Variants in NRG4 observed in about 807,000 individuals in gnomAD.
The protein encoded by NRG4 is neuregulin 4.
Under a neutral mutation model 15.0 loss-of-function variants are expected in NRG4, and 10 were observed. The observed-to-expected ratio is 0.67, with a 90% confidence interval of 0.41 to 1.13. The LOEUF (loss-of-function observed/expected upper bound fraction) is 1.13. Among genes scored for constraint, NRG4 ranks in the 50% most tolerant of loss-of-function variants. The pLI is 0.00. For missense variants in NRG4, 139 were observed against 140.2 expected (o/e 0.99, Z 0.04); for synonymous variants, 41 against 50.1 (o/e 0.82, Z 0.77).
intron 1 of NRG4, among the ~76,000 whole-genome samples, chr15:76,011,699 T>C (rs189863345): frequency 5.6e-4 from 85 of 152,306 alleles, no homozygotes; most frequent in African/African-American, 1.6e-3. Flanking sequence ...AAGTTTACCA[T>C]AGATTGCACA....
At chr15:75,959,932 C>T (rs995890628) in intron 4 of NRG4, among the ~76,000 whole-genome samples, 1 of 152,198 alleles carries the variant, frequency 6.6e-6, no homozygotes, top group Non-Finnish European at 1.5e-5. Flanking sequence ...CAACCAGCAA[C>T]ACTCAAGATG....
chr15:76,019,131 T>C lies in NRG4; in HGVS notation c.-56-7845A>G, dbSNP rs571363383. ...CTTCCAGGCGGCTTTGTTTACACTG[T>C]GAGGGGAAAAACACCTACTCAAGCC... is the stretch of plus-strand genomic sequence containing the variant. On this transcript the variant is annotated intron_variant, in intron 5 of 8. Transcript: ENST00000563910. Among the ~76,000 whole-genome samples the C allele has an allele frequency of 7.2e-5, 11 of 152,150 alleles. No individual in the cohort carries two copies. In the East Asian group the frequency reaches 2.1e-3, roughly 29 times the overall value.
At position 75,943,627 on chromosome 15, in the gene NRG4, T is replaced by C. The variant is rs778529230; in HGVS notation, c.*11A>G. The C allele has an allele frequency of 2.6e-6, 4 of 1,542,260 alleles. No individual in the cohort carries two copies. ...AATAAAAACAATGATTTGGTTCACT[T>C]TGACGTTTCTTCAGTGTTGTTCATG... On this transcript the variant is annotated 3_prime_UTR_variant, in exon 6 of 6. Coordinates refer to ENST00000394907, the MANE Select transcript of NRG4 (RefSeq NM_138573.4).
intron 4 of NRG4, among the ~76,000 whole-genome samples, chr15:76,049,445 C>T (rs2035946930): frequency 6.7e-6 from 1 of 150,326 alleles, no homozygotes; most frequent in Non-Finnish European, 1.5e-5. Context: ...ACTCTCAAAC[C>T]CTCCTAACCA....
chr15:75,943,465 A>AT lies in NRG4; in HGVS notation c.*172dup. ...AGCAGTTGCCGATGGACTGATGCAC[A>AT]TTACAGAAGCACACACACCTTGCAG... On this transcript the variant is annotated 3_prime_UTR_variant, in exon 6 of 6. Coordinates refer to ENST00000394907, the MANE Select transcript of NRG4 (RefSeq NM_138573.4). 1 of 587,644 alleles carries AT rather than the reference A, an allele frequency of 1.7e-6. No individual in the cohort carries two copies. 36.4% of individuals were successfully genotyped at this position (587,644 alleles called of 1,614,324 possible). A position where few individuals can be genotyped will look rare whatever the true frequency, so the allele number is the denominator to read the frequency against.
intron 4 of NRG4, chr15:76,051,995 G>T (rs1471187729): frequency 6.6e-6 from 1 of 150,878 alleles, no homozygotes; most frequent in Non-Finnish European, 1.5e-5. Context: ...TCAAACCAAT[G>T]ATCTAGGATT....
intron 5 of NRG4, among the ~76,000 whole-genome samples, chr15:75,952,682 C>T (rs1391563532): frequency 6.6e-6 from 1 of 151,764 alleles, no homozygotes; most frequent in Non-Finnish European, 1.5e-5. Flanking sequence ...TGCGGCCTCC[C>T]AATAGCTGGG....
intron 3 of NRG4, among the ~76,000 whole-genome samples, chr15:76,006,098 T>C (rs1026385897): frequency 2.0e-5 from 3 of 152,136 alleles, no homozygotes; most frequent in East Asian, 1.9e-4. Context: ...ACTATTTCTA[T>C]AGACAAAGCA....
At chr15:76,031,110 C>G (rs2141941549) in intron 5 of NRG4, among the ~76,000 whole-genome samples, 1 of 152,030 alleles carries the variant, frequency 6.6e-6, no homozygotes, top group African/African-American at 2.4e-5. Context: ...AAATAAAAGA[C>G]AAAGATTATA....
intron 4 of NRG4, among the ~76,000 whole-genome samples, chr15:76,036,180 G>C (rs2035593146): frequency 6.6e-6 from 1 of 152,108 alleles, no homozygotes; most frequent in Non-Finnish European, 1.5e-5. Flanking sequence ...GTCAGGCCCT[G>C]GTAAAAATTT....
intron 3 of NRG4, among the ~76,000 whole-genome samples, chr15:75,978,846 T>G (rs2033481326): frequency 6.6e-6 from 1 of 152,196 alleles, no homozygotes; most frequent in Admixed American, 6.5e-5. Context: ...TTTTAAGAAA[T>G]GTCTATTCAG....
intron 5 of NRG4, among the ~76,000 whole-genome samples, chr15:76,024,242 G>A (rs2035241597): frequency 6.6e-6 from 1 of 152,210 alleles, no homozygotes; most frequent in East Asian, 1.9e-4. Context: ...TCCTAGGCCT[G>A]AGAAATAGCC....
chr15:75,978,623 G>A (rs1595981103), intron 3 of NRG4, among the ~76,000 whole-genome samples: 1 of 152,088 alleles, frequency 6.6e-6, no homozygotes, highest in Non-Finnish European at 1.5e-5. Context: ...CCTCCATACT[G>A]TTTTCCATAG....
chr15:76,009,652 C>T (rs2034736476), intron 2 of NRG4, among the ~76,000 whole-genome samples: 1 of 152,110 alleles, frequency 6.6e-6, no homozygotes, highest in South Asian at 2.1e-4. Flanking sequence ...CCTAGCATTT[C>T]CCTGTCCCAA....
chr15:75,966,847 T>C (rs1010609637), intron 3 of NRG4, among the ~76,000 whole-genome samples: 1 of 152,140 alleles, frequency 6.6e-6, no homozygotes, highest in East Asian at 1.9e-4. Context: ...CTGGGCGCGG[T>C]GGCTCACACC....
downstream of NRG4, chr15:75,940,635 G>A (rs1483182750): frequency 6.6e-6 from 1 of 151,984 alleles, no homozygotes; most frequent in African/African-American, 2.4e-5. Flanking sequence ...CTGGCATAAA[G>A]GCAGACGGAT....
At chr15:76,027,361 A>C (rs559943133) in intron 5 of NRG4, among the ~76,000 whole-genome samples, 1 of 152,108 alleles carries the variant, frequency 6.6e-6, no homozygotes, top group Non-Finnish European at 1.5e-5. Flanking sequence ...TCCATTCAGC[A>C]AGAGAATATA....
chr15:76,052,053 G>C (rs1051591395), intron 4 of NRG4: 1 of 150,830 alleles, frequency 6.6e-6, no homozygotes, highest in Non-Finnish European at 1.5e-5. Context: ...ACATTAAAAA[G>C]AATGAATACT....
chr15:76,045,232 C>T (rs1395963399), intron 4 of NRG4, among the ~76,000 whole-genome samples: 2 of 150,966 alleles, frequency 1.3e-5, no homozygotes, highest in Admixed American at 6.6e-5. Context: ...ATCAAAACTA[C>T]AATGAGATAT....
Sources: allele counts gnomAD v4.1 joint callset (sites outside exome capture counted in the v4.1 genomes callset), GRCh38; gene constraint gnomAD v4.1.1; transcripts MANE v1.5; gene names NCBI Gene and HGNC (gene_info 2026-07-23, HGNC 2026-07-21).